Variants in CAST observed in about 807,000 individuals in gnomAD.
The protein encoded by CAST is calpastatin, also known as MIR583 host.
A neutral mutation model predicts 119.6 loss-of-function variants in CAST; 76 were observed. The observed-to-expected ratio is 0.64, with a 90% CI of 0.53 to 0.77. The LOEUF is 0.77. Among genes scored for constraint, CAST ranks in the 30% least tolerant of loss-of-function variants. CAST has a pLI of 0.00. For synonymous variants in CAST, 319 were observed against 331.6 expected, an observed-to-expected ratio of 0.96 and a Z score of 0.41; for missense variants, 953 against 946.5, an observed-to-expected ratio of 1.01 and a Z score of -0.09.
the CAST span, among the ~76,000 whole-genome samples, chr5:95,985,276 T>C: frequency 1.3e-5 from 2 of 152,208 alleles, no homozygotes; most frequent in African/African-American, 4.8e-5. Flanking sequence ...TTTGTGCCAC[T>C]GTACTCCAGC....
chr5:96,637,003 C>T (rs192067501), intron 1 of CAST, among the ~76,000 whole-genome samples: 2 of 152,146 alleles, frequency 1.3e-5, no homozygotes, highest in East Asian at 1.9e-4. Flanking sequence ...CACAGTCCCC[C>T]CTCTGGGGTT....
the CAST span, among the ~76,000 whole-genome samples, chr5:95,999,216 A>G: frequency 6.6e-6 from 1 of 152,218 alleles, no homozygotes; most frequent in Non-Finnish European, 1.5e-5. Flanking sequence ...CATTTAATAT[A>G]AATGGAATTA....
the CAST span, among the ~76,000 whole-genome samples, chr5:96,363,880 G>C: frequency 1.3e-5 from 2 of 152,166 alleles, no homozygotes; most frequent in African/African-American, 2.4e-5. Flanking sequence ...TTGAATAGGA[G>C]TGTTGAGAGA....
upstream of CAST, among the ~76,000 whole-genome samples, chr5:96,520,535 GTGTC>G (rs1745498974): frequency 6.6e-6 from 1 of 152,052 alleles, no homozygotes; most frequent in Non-Finnish European, 1.5e-5. Context: ...CAGTGTGTGT[GTGTC>G]TGTGTGTGTT....
the CAST span, among the ~76,000 whole-genome samples, chr5:96,190,510 C>A: frequency 6.6e-6 from 1 of 152,172 alleles, no homozygotes; most frequent in African/African-American, 2.4e-5. Context: ...CTGCTGCAGC[C>A]TCCCATACTC....
Position 96,616,912 on chromosome 5 carries a change from C to T in CAST, c.61-58627C>T, listed in dbSNP as rs546441913. Among the ~76,000 whole-genome samples, 27 of 152,062 alleles carry T rather than the reference C, an allele frequency of 1.8e-4. 2 individuals are homozygous for T. In the South Asian group the frequency reaches 5.6e-3, roughly 32 times the overall value. On this transcript the variant is annotated intron_variant, in intron 1 of 11. Coordinates refer to the CAST transcript ENST00000505143. ...ACCCCAGGACTCTTTTCTCTGAGTC[C>T]GAAGCCTCTGGTTCTCTCATGGCAG...
intron 1 of CAST, among the ~76,000 whole-genome samples, chr5:96,674,268 C>T (rs991858074): frequency 6.6e-6 from 1 of 151,200 alleles, no homozygotes; most frequent in Non-Finnish European, 1.5e-5. Context: ...TTTTTTGTAT[C>T]AAGACTGTAT....
At chr5:96,701,688 G>A (rs1050858915) in intron 3 of CAST, among the ~76,000 whole-genome samples, 5 of 151,446 alleles carry the variant, frequency 3.3e-5, no homozygotes, top group East Asian at 3.9e-4. Flanking sequence ...GCCTGTAATC[G>A]CAGCTACTCG....
the CAST span, among the ~76,000 whole-genome samples, chr5:96,084,232 A>C: frequency 6.6e-6 from 1 of 152,192 alleles, no homozygotes; most frequent in Non-Finnish European, 1.5e-5. Context: ...GGGTGGTTAC[A>C]AGAGAAAAAG....
At chr5:96,713,940 A>T (rs1168506326) in intron 3 of CAST, among the ~76,000 whole-genome samples, 1 of 152,062 alleles carries the variant, frequency 6.6e-6, no homozygotes, top group Non-Finnish European at 1.5e-5. Context: ...ATGCTACTGC[A>T]CTCCAGCTAG....
chr5:96,023,848 A>G, the CAST span, among the ~76,000 whole-genome samples: 1 of 152,300 alleles, frequency 6.6e-6, no homozygotes, highest in African/African-American at 2.4e-5. Context: ...TTTTGTTTCC[A>G]ACTTTACTTT....
the CAST span, among the ~76,000 whole-genome samples, chr5:96,244,525 C>T: frequency 3.9e-5 from 6 of 152,096 alleles, no homozygotes; most frequent in Non-Finnish European, 5.9e-5. Flanking sequence ...CTCATCATCA[C>T]CACCAAAATT....
the CAST span, among the ~76,000 whole-genome samples, chr5:96,312,859 A>G: frequency 6.6e-6 from 1 of 152,110 alleles, no homozygotes; most frequent in Non-Finnish European, 1.5e-5. Flanking sequence ...TAAACCATAA[A>G]ACATAGAAAA....
the CAST span, among the ~76,000 whole-genome samples, chr5:96,037,967 T>C: frequency 3.9e-4 from 60 of 152,300 alleles, no homozygotes; most frequent in African/African-American, 1.4e-3. Context: ...TTCAGATTCA[T>C]CGCAATGTTA....
the CAST span, among the ~76,000 whole-genome samples, chr5:96,247,110 C>T: frequency 2.0e-5 from 3 of 152,100 alleles, no homozygotes; most frequent in South Asian, 2.1e-4. Flanking sequence ...CTGTGTGGTG[C>T]CATAAGCTCT....
the CAST span, among the ~76,000 whole-genome samples, chr5:96,024,885 A>G: frequency 1.8e-3 from 271 of 152,172 alleles, no homozygotes; most frequent in Admixed American, 3.4e-3. Flanking sequence ...TTTTTTTGCC[A>G]GGATAATCTC....
the CAST span, among the ~76,000 whole-genome samples, chr5:96,463,254 C>G: frequency 6.6e-6 from 1 of 152,194 alleles, no homozygotes; most frequent in South Asian, 2.1e-4. Context: ...TCATTTCTCT[C>G]TTGTGTAATA....
At chr5:96,381,710 C>A in the CAST span, among the ~76,000 whole-genome samples, 1 of 152,200 alleles carries the variant, frequency 6.6e-6, no homozygotes, top group Non-Finnish European at 1.5e-5. Flanking sequence ...CCTAGGGGAG[C>A]TGTTTGCTTT....
chr5:96,362,952 G>T, the CAST span, among the ~76,000 whole-genome samples: 2 of 152,128 alleles, frequency 1.3e-5, no homozygotes, highest in Non-Finnish European at 2.9e-5. Context: ...TTCTTCTAGG[G>T]TTTTTATGAT....
Sources: gnomAD v4.1 joint callset for allele counts (sites outside exome capture counted in the v4.1 genomes callset) on GRCh38, gnomAD v4.1.1 for gene constraint, MANE v1.5 for transcripts, NCBI Gene and HGNC (gene_info 2026-07-23, HGNC 2026-07-21) for gene names.